Variants in GPN1 observed in about 807,000 individuals in gnomAD.
GPN1 encodes ATP(GTP)-binding protein.
In GPN1, 44 loss-of-function variants were observed where a neutral mutation model predicts 55.9. The observed-to-expected ratio is 0.79, with a 90% confidence interval of 0.62 to 1.01. The LOEUF is 1.01. Ranked by LOEUF, GPN1 falls within the 50% of genes least tolerant of loss-of-function variation. GPN1 has a pLI of 0.00. For missense variants in GPN1, 466 were observed against 462.8 expected (o/e 1.01, Z -0.06); for synonymous variants, 179 against 162.5 (o/e 1.10, Z -0.77).
rs2148072904 is a variant in GPN1 at position 27,640,121 on chromosome 2, G to A, written c.796G>A (p.Glu266Lys). The A allele has an allele frequency of 6.3e-7, 1 of 1,595,498 alleles. No individual in the cohort carries two copies. Among genetic ancestry groups the A allele is most frequent in the Non-Finnish European group, 8.6e-7 (1 of 1,163,022 alleles). ...AGTTACCAGTGCTGCCGAAGAATATGAAAGGTGAGGATAAAGGAAAATTCT... is the reference window on the plus strand; with the variant it reads ...AGTTACCAGTGCTGCCGAAGAATATAAAAGGTGAGGATAAAGGAAAATTCT... ...VQVTSAAEEY[E>K]REYRPEYERL... is the part of the protein sequence containing the mutation. Residue 266 changes from glutamate to lysine, a missense_variant, in exon 10 of 14, where the codon GAA becomes AAA. Coordinates refer to ENST00000610189, the MANE Select transcript of GPN1 (RefSeq NM_007266.4).
In GPN1 at chr2:27,647,650, G is replaced by A. The variant is rs556581300; in HGVS notation, c.932-186G>A. Reference sequence around the variant, plus strand: ...TCCTAGGGCTATTTGCCTTATGAAAGCACTTTGTGAACTAAGCTATTATAG... The same window carrying A: ...TCCTAGGGCTATTTGCCTTATGAAAACACTTTGTGAACTAAGCTATTATAG... On this transcript the variant is annotated intron_variant, in intron 12 of 13. Coordinates refer to ENST00000610189, the MANE Select transcript of GPN1 (RefSeq NM_007266.4). 5.3e-5 allele frequency among the ~76,000 whole-genome samples: 8 copies of A among 152,326 alleles called. No individual in the cohort carries two copies. The South Asian group carries it at 1.7e-3, about 32-fold the overall frequency.
At chr2:27,634,265 A>T (rs1307346164) in intron 5 of GPN1, among the ~76,000 whole-genome samples, 3 of 152,232 alleles carry the variant, frequency 2.0e-5, no homozygotes, top group Admixed American at 2.0e-4. Context: ...ATTCATAATT[A>T]TATCAAATTA....
At chr2:27,633,506 C>T (rs533514489) in intron 5 of GPN1, among the ~76,000 whole-genome samples, 20 of 152,146 alleles carry the variant, frequency 1.3e-4, no homozygotes, top group African/African-American at 2.6e-4. Context: ...GATGGAGTCT[C>T]GCTCTATTGC....
chr2:27,634,850 G>A lies in GPN1; in HGVS notation c.355G>A (p.Val119Met), dbSNP rs369712973. 2.2e-5 allele frequency: 34 copies of A among 1,537,658 alleles called. No individual in the cohort carries two copies. Among genetic ancestry groups the A allele is most frequent in the African/African-American group, 2.7e-5 (2 of 73,468 alleles). The change falls in exon 6 of 14, where the codon GTG becomes ATG. Residue 119 changes from valine to methionine, a missense_variant. Val to Met is a conservative substitution (Grantham distance 21). Coordinates refer to ENST00000610189, the MANE Select transcript of GPN1 (RefSeq NM_007266.4). Reference sequence around the variant, plus strand: ...TAATGATCTTTCTTGACATAGATATGTGTTGATTGACACACCTGGACAGAT... The same window carrying A: ...TAATGATCTTTCTTGACATAGATATATGTTGATTGACACACCTGGACAGAT... ...IEKAQNMSKYVLIDTPGQIEV... is the reference protein window; with the variant it reads ...IEKAQNMSKYMLIDTPGQIEV...
In GPN1 at chr2:27,650,456, A is replaced by C; in HGVS notation, c.*256A>C. On this transcript the variant is annotated 3_prime_UTR_variant, in exon 14 of 14. Transcript: ENST00000610189. Reference sequence around the variant, plus strand: ...GCAAGGAAGGATATACTGAGCTGATACTCTTCCAAGCCTACAACTTCAAGT... The same window carrying C: ...GCAAGGAAGGATATACTGAGCTGATCCTCTTCCAAGCCTACAACTTCAAGT... 2 of 247,976 alleles carry C rather than the reference A, an allele frequency of 8.1e-6. No homozygotes were observed. The highest frequency in any genetic ancestry group is 1.6e-5 in the Non-Finnish European group (2 of 126,680). 15.4% of individuals were successfully genotyped at this position (247,976 alleles called of 1,614,324 possible).
At position 27,647,588 on chromosome 2, in the gene GPN1, C is replaced by T. The variant is rs189858497; in HGVS notation, c.932-248C>T. Among the ~76,000 whole-genome samples the T allele has an allele frequency of 2.0e-5, 3 of 152,274 alleles. No individual in the cohort carries two copies. The East Asian group carries it at 5.8e-4, about 29-fold the overall frequency. Reference sequence around the variant, plus strand: ...ATGATGCTACTAGTAAGACAAGCTTCTTGAAAATTATTTCCCTCAGCTTAA... The same window carrying T: ...ATGATGCTACTAGTAAGACAAGCTTTTTGAAAATTATTTCCCTCAGCTTAA... On this transcript the variant is annotated intron_variant, in intron 12 of 13. Coordinates refer to ENST00000610189, the MANE Select transcript of GPN1 (RefSeq NM_007266.4).
rs962861269 is a variant in GPN1, at chr2:27,651,105, A to G, written c.*905A>G. 5 of 152,372 alleles carry G rather than the reference A, an allele frequency of 3.3e-5. No homozygotes were observed. The highest frequency in any genetic ancestry group is 6.5e-5 in the Admixed American group (1 of 15,286). 9.4% of individuals were successfully genotyped at this position (152,372 alleles called of 1,614,324 possible). On this transcript the variant is annotated 3_prime_UTR_variant, in exon 14 of 14. Coordinates refer to ENST00000610189, the MANE Select transcript of GPN1 (RefSeq NM_007266.4). ...GTCCGTGGATTTGGGTCAGAGGCAC[A>G]TTTCATACATAACAGCCCTTATAAA...
At chr2:27,635,097 C>G (rs377432599) in intron 6 of GPN1, 43 bp from the exon 7 acceptor site, 1 of 1,189,056 alleles carries the variant, frequency 8.4e-7, no homozygotes, top group Non-Finnish European at 1.3e-6. Flanking sequence ...GAGGACAGAT[C>G]GTGAGCCCTC....
Position 27,647,904 on chromosome 2 carries a change from G to A in GPN1, c.1000G>A (p.Glu334Lys), listed in dbSNP as rs1674316856. The change falls in exon 13 of 14, where the codon GAG becomes AAG. Residue 334 changes from glutamate (E) to lysine (K), a missense_variant. Coordinates refer to ENST00000610189, the MANE Select transcript of GPN1 (RefSeq NM_007266.4). Reference protein sequence around the residue: ...LTRGTLDEEDEEADSDTDDID... With the variant: ...LTRGTLDEEDKEADSDTDDID... ...TCGAGGAACCTTGGATGAAGAGGAT[G>A]AGGAAGCAGACAGCGATACTGATGA... is the stretch of plus-strand genomic sequence containing the variant. 1 of 1,613,442 alleles carries A rather than the reference G, an allele frequency of 6.2e-7. No homozygotes were observed. The highest frequency in any genetic ancestry group is 8.5e-7 in the Non-Finnish European group (1 of 1,179,350).
In GPN1 at chr2:27,650,323, G is replaced by A. The variant is rs1005217165; in HGVS notation, c.*123G>A. 2 of 557,596 alleles carry A rather than the reference G, an allele frequency of 3.6e-6. No individual in the cohort carries two copies. Among genetic ancestry groups the A allele is most frequent in the African/African-American group, 3.8e-5 (2 of 52,590 alleles). 34.5% of individuals were successfully genotyped at this position (557,596 alleles called of 1,614,324 possible). A position where few individuals can be genotyped will look rare whatever the true frequency, so the allele number is the denominator to read the frequency against. On this transcript the variant is annotated 3_prime_UTR_variant, in exon 14 of 14. Coordinates refer to ENST00000610189, the MANE Select transcript of GPN1 (RefSeq NM_007266.4). The stretch of plus-strand genomic sequence containing the variant: ...GGATAATTTTCCTCAGAGTAGCAAA[G>A]TTTCTCTTATTAGAGAAATCTTGTG...
Position 27,629,996 on chromosome 2 carries a change from G to T in GPN1, c.205+44G>T, listed in dbSNP as rs746626868. 10 of 1,096,926 alleles carry T rather than the reference G, an allele frequency of 9.1e-6. No homozygotes were observed. In the South Asian group the frequency reaches 1.2e-4, roughly 14 times the overall value. The allele number at this position is 1,096,926 out of a possible 1,614,324, so 67.9% of individuals were successfully genotyped here. A position where few individuals can be genotyped will look rare whatever the true frequency, so the allele number is the denominator to read the frequency against. Reference sequence around the variant, plus strand: ...TAACTTGTGTGCAGTGCTTTAAAGAGAATGGAAAAGGCCAGGCGTGGTGGC... The same window carrying T: ...TAACTTGTGTGCAGTGCTTTAAAGATAATGGAAAAGGCCAGGCGTGGTGGC... On this transcript the variant is annotated intron_variant, in intron 2 of 13. Transcript: ENST00000610189.
At position 27,643,315 on chromosome 2, in the gene GPN1, T is replaced by G; in HGVS notation, c.931+796T>G. Among the ~76,000 whole-genome samples, 1 of 151,960 alleles carries G rather than the reference T, an allele frequency of 6.6e-6. No individual in the cohort carries two copies. Among genetic ancestry groups the G allele is most frequent in the East Asian group, 1.9e-4 (1 of 5,198 alleles). The stretch of plus-strand genomic sequence containing the variant: ...CAAAATGTTAACATTCTACCATGTT[T>G]ACTTTATTCTTTATCTATATATGAC... On this transcript the variant is annotated intron_variant, in intron 12 of 13. Transcript: ENST00000610189. The surrounding 1 kb of genome is among the most constrained non-coding windows in gnomAD (Gnocchi z 4.0).
rs780588383 is a variant in GPN1, at chr2:27,650,124, A to G, written c.1049A>G (p.Glu350Gly). Reference protein sequence around the residue: ...TDDIDHRVTEESHEEPAFQNF... With the variant: ...TDDIDHRVTEGSHEEPAFQNF... ...CCTTTTTTCCTTGCAGTTACAGAGG[A>G]AAGCCATGAAGAGCCAGCATTCCAG... is the stretch of plus-strand genomic sequence containing the variant. Residue 350 changes from glutamate to glycine, a missense_variant, in exon 14 of 14, where the codon GAA becomes GGA. By Grantham distance (98) the Glu-to-Gly change is moderately conservative. Coordinates refer to ENST00000610189, the MANE Select transcript of GPN1 (RefSeq NM_007266.4). 16 of 1,594,654 alleles carry G rather than the reference A, an allele frequency of 1.0e-5. No homozygotes were observed. Among genetic ancestry groups the G allele is most frequent in the Non-Finnish European group, 1.4e-5 (16 of 1,162,370 alleles).
intron 13 of GPN1, among the ~76,000 whole-genome samples, chr2:27,649,078 T>C (rs1674382394): frequency 1.3e-5 from 2 of 151,986 alleles, no homozygotes; most frequent in South Asian, 4.2e-4. Flanking sequence ...ACCCCATCTC[T>C]ACTACAAGTA....
chr2:27,635,485 A>C (rs1457453814), intron 7 of GPN1, among the ~76,000 whole-genome samples: 2 of 152,112 alleles, frequency 1.3e-5, no homozygotes, highest in Non-Finnish European at 2.9e-5. Flanking sequence ...TGATGTATGA[A>C]TATGAACTGT....
intron 9 of GPN1, among the ~76,000 whole-genome samples, chr2:27,639,571 G>A (rs1370441226): frequency 1.3e-5 from 2 of 151,938 alleles, no homozygotes; most frequent in Admixed American, 6.6e-5. Flanking sequence ...CCAGGCCAGA[G>A]TGTAGTGACA....
intron 5 of GPN1, 130 bp from the exon 6 acceptor site, chr2:27,634,716 G>A: frequency 1.5e-6 from 1 of 665,654 alleles, no homozygotes; most frequent in South Asian, 1.7e-5. Context: ...CCAGTAGGAG[G>A]AAGTTAGATT....
chr2:27,633,212 A>G (rs1042482493), intron 5 of GPN1, among the ~76,000 whole-genome samples: 2 of 152,254 alleles, frequency 1.3e-5, no homozygotes, highest in South Asian at 2.1e-4. Context: ...TAGAAGTAAC[A>G]TCATCATTCA....
chr2:27,628,776 T>C, upstream of GPN1: 2 of 1,527,564 alleles, frequency 1.3e-6, no homozygotes, highest in South Asian at 2.5e-5. Flanking sequence ...CTTCTGGCCT[T>C]CCTCCGGGAG....
Sources: gnomAD v4.1 joint callset for allele counts (sites outside exome capture counted in the v4.1 genomes callset) on GRCh38, gnomAD v4.1.1 for gene constraint, Gnocchi (gnomAD v3.1) non-coding constraint, MANE v1.5 for transcripts, NCBI Gene and HGNC (gene_info 2026-07-23, HGNC 2026-07-21) for gene names.